The following CTNNA2 variants were observed in gnomAD, a reference collection of about 807,000 sequenced individuals.
CTNNA2 encodes catenin alpha 2.
A neutral mutation model predicts 101.0 loss-of-function variants in CTNNA2; 42 were observed. The ratio of observed to expected loss-of-function variants is 0.42; its 90% CI spans 0.32 to 0.54. The LOEUF is 0.54. Ranked by LOEUF, CTNNA2 falls within the 20% of genes least tolerant of loss-of-function variation. The pLI is 0.14. For synonymous variants in CTNNA2, 450 were observed against 456.4 expected, an observed-to-expected ratio of 0.99 and a Z score of 0.18; for missense variants, 871 against 1,223.1, an observed-to-expected ratio of 0.71 and a Z score of 4.29.
At chr2:79,461,208 T>G (rs2104535690) in intron 4 of CTNNA2, among the ~76,000 whole-genome samples, 1 of 152,344 alleles carries the variant, frequency 6.6e-6, no homozygotes, top group Admixed American at 6.5e-5. Context: ...TCTTCTAAAT[T>G]ATCTTCAGAG....
At position 79,713,338 on chromosome 2, in the gene CTNNA2, C is replaced by G. The variant is rs112395968; in HGVS notation, c.103-31049C>G. On this transcript the variant is annotated intron_variant, in intron 2 of 18. Coordinates refer to ENST00000402739, the MANE Select transcript of CTNNA2 (RefSeq NM_001282597.3). ...GCTTATGCCTGTAATCCCATCTACTCGGGAGGCTGAGGTGGGAAGGTCGCT... is the reference window on the plus strand; with the variant it reads ...GCTTATGCCTGTAATCCCATCTACTGGGGAGGCTGAGGTGGGAAGGTCGCT... Among the ~76,000 whole-genome samples, 1,426 of 152,222 alleles carry G rather than the reference C, an allele frequency of 9.4e-3. 31 individuals are homozygous for G. Among genetic ancestry groups the G allele is most frequent in the African/African-American group, 0.032 (1,332 of 41,520 alleles).
intron 7 of CTNNA2, among the ~76,000 whole-genome samples, chr2:80,340,881 C>T (rs972940015): frequency 2.0e-5 from 3 of 152,126 alleles, no homozygotes; most frequent in Admixed American, 6.5e-5. Flanking sequence ...TACTTCTGAC[C>T]GACTGTCTAT....
chr2:80,206,050 A>ATC (rs1707512860), intron 7 of CTNNA2, among the ~76,000 whole-genome samples: 1 of 152,162 alleles, frequency 6.6e-6, no homozygotes, highest in Non-Finnish European at 1.5e-5. Context: ...AATCCATTTC[A>ATC]TGTGTTTTCT....
At chr2:79,910,686 A>G (rs1165649765) in intron 7 of CTNNA2, among the ~76,000 whole-genome samples, 4 of 152,202 alleles carry the variant, frequency 2.6e-5, no homozygotes, top group Non-Finnish European at 4.4e-5. Context: ...CCAGGTGGGT[A>G]ACAGAGACAC....
intron 2 of CTNNA2, among the ~76,000 whole-genome samples, chr2:79,731,876 A>C (rs1051528059): frequency 2.0e-5 from 3 of 151,860 alleles, no homozygotes; most frequent in African/African-American, 7.3e-5. Context: ...TTGTCTCTTT[A>C]AGAGCAAAAA....
At chr2:80,163,070 A>C in intron 7 of CTNNA2, 1 of 1,570,136 alleles carries the variant, frequency 6.4e-7, no homozygotes, top group South Asian at 1.1e-5. Flanking sequence ...CAGATACTTC[A>C]TGTTTGAAAT....
At chr2:79,193,496 C>T (rs1053486569) in intron 1 of CTNNA2, among the ~76,000 whole-genome samples, 27 of 152,096 alleles carry the variant, frequency 1.8e-4, no homozygotes, top group African/African-American at 5.6e-4. Flanking sequence ...TATGTAGTAG[C>T]CTGTACCACC....
chr2:80,030,787 T>A (rs1695236843), intron 7 of CTNNA2, among the ~76,000 whole-genome samples: 1 of 152,036 alleles, frequency 6.6e-6, no homozygotes, highest in Non-Finnish European at 1.5e-5. Flanking sequence ...CCAGTGCACA[T>A]AAAGAGCTTC....
intron 7 of CTNNA2, among the ~76,000 whole-genome samples, chr2:80,270,384 G>T (rs1346868576): frequency 6.6e-6 from 1 of 152,144 alleles, no homozygotes; most frequent in Non-Finnish European, 1.5e-5. Flanking sequence ...GTACTAAAAG[G>T]CTTTCTTTGC....
intron 2 of CTNNA2, among the ~76,000 whole-genome samples, chr2:79,209,249 T>C (rs1430375219): frequency 1.3e-5 from 2 of 152,240 alleles, no homozygotes; most frequent in Non-Finnish European, 2.9e-5. Context: ...GTATACATTG[T>C]ATCTATTTGG....
intron 1 of CTNNA2, among the ~76,000 whole-genome samples, chr2:79,560,454 T>G (rs1034985824): frequency 2.0e-5 from 3 of 151,928 alleles, no homozygotes; most frequent in Non-Finnish European, 4.4e-5. Flanking sequence ...AGAATCTGGT[T>G]GTTAGACCAC....
intron 3 of CTNNA2, among the ~76,000 whole-genome samples, chr2:79,853,470 C>T (rs1680887513): frequency 1.3e-5 from 2 of 152,076 alleles, no homozygotes; most frequent in Admixed American, 1.3e-4. Flanking sequence ...ACACATTTTT[C>T]CTTGCTTCTC....
rs67454188 is a variant in CTNNA2 at position 79,646,524 on chromosome 2, CTT to C, written c.-5-5007_-5-5006del. On this transcript the variant is annotated intron_variant, in intron 1 of 18. Transcript: ENST00000402739. Reference sequence around the variant, plus strand: ...CACAATTTAAAACTTTTCTTTCTGTCTTTTTTTTTTTTTTTTTTTTTTGAGAA... The same window carrying C: ...CACAATTTAAAACTTTTCTTTCTGTCTTTTTTTTTTTTTTTTTTTTGAGAA... Among the ~76,000 whole-genome samples the C allele has an allele frequency of 8.6e-3, 909 of 106,124 alleles. 13 individuals are homozygous for C. The highest frequency in any genetic ancestry group is 0.03 in the African/African-American group (831 of 27,922). 69.6% of individuals were successfully genotyped at this position (106,124 alleles called of 152,430 possible).
intron 1 of CTNNA2, among the ~76,000 whole-genome samples, chr2:79,590,815 T>C (rs1160956042): frequency 6.6e-6 from 1 of 152,228 alleles, no homozygotes; most frequent in African/African-American, 2.4e-5. Flanking sequence ...CACTGTGTTT[T>C]ATCTGAAAAG....
chr2:80,554,206 G>A (rs988277214), intron 11 of CTNNA2, among the ~76,000 whole-genome samples: 3 of 152,102 alleles, frequency 2.0e-5, no homozygotes, highest in African/African-American at 7.2e-5. Flanking sequence ...GGGGAGATCG[G>A]TAGTGGAGAC....
chr2:79,370,435 T>C (rs1677843989), intron 3 of CTNNA2, among the ~76,000 whole-genome samples: 1 of 152,180 alleles, frequency 6.6e-6, no homozygotes, highest in Non-Finnish European at 1.5e-5. Context: ...GTTGCCCTCC[T>C]TCATTTTCTT....
intron 7 of CTNNA2, among the ~76,000 whole-genome samples, chr2:79,925,395 A>G (rs916020045): frequency 6.6e-6 from 1 of 152,140 alleles, no homozygotes; most frequent in Non-Finnish European, 1.5e-5. Context: ...AGAAATATAC[A>G]TGAAATATTT....
In CTNNA2 at chr2:80,535,006, T is replaced by C. The variant is rs147124647; in HGVS notation, c.1291-9976T>C. 1.9e-3 allele frequency among the ~76,000 whole-genome samples: 288 copies of C among 152,298 alleles called. 1 individual carries two copies. Among genetic ancestry groups the C allele is most frequent in the Middle Eastern group, 0.017 (5 of 294 alleles). On this transcript the variant is annotated intron_variant, in intron 9 of 18. Coordinates refer to ENST00000402739, the MANE Select transcript of CTNNA2 (RefSeq NM_001282597.3). ...TTAAAAAATATTGGTTAGAAGTGTA[T>C]ATAAAATCTATAAAATATTTGGGAT...
intron 1 of CTNNA2, among the ~76,000 whole-genome samples, chr2:79,553,346 C>T (rs183581951): frequency 2.0e-5 from 3 of 152,272 alleles, no homozygotes; most frequent in South Asian, 4.1e-4. Flanking sequence ...TTCTTCTGAG[C>T]CTGCCAAACT....
Sources: allele counts gnomAD v4.1 joint callset (sites outside exome capture counted in the v4.1 genomes callset), GRCh38; gene constraint gnomAD v4.1.1; transcripts MANE v1.5; gene names NCBI Gene and HGNC (gene_info 2026-07-23, HGNC 2026-07-21).